Variants in MAMLD1 observed in about 807,000 individuals in gnomAD.
MAMLD1 encodes mastermind like domain containing 1, also known as mastermind-like domain-containing protein 1.
Under a neutral mutation model 45.0 loss-of-function variants are expected in MAMLD1, and 14 were observed. The observed-to-expected ratio is 0.31, with a 90% CI of 0.21 to 0.49. MAMLD1 has a LOEUF of 0.49. MAMLD1 is among the 20% of genes least tolerant of loss of function. The pLI is 0.99. For missense variants in MAMLD1, 543 were observed against 603.6 expected (o/e 0.90, Z 1.05); for synonymous variants, 254 against 247.8 (o/e 1.02, Z -0.24).
chrX:150,418,182 C>A (rs1433589815), intron 1 of MAMLD1, among the ~76,000 whole-genome samples: 3 of 111,287 alleles, frequency 2.7e-5, no homozygotes, highest in Non-Finnish European at 5.7e-5. Flanking sequence ...TGTATGTGTC[C>A]AGGAATTTAT....
At chrX:150,494,395 AAAAC>A (rs1390692890) in intron 5 of MAMLD1, among the ~76,000 whole-genome samples, 4 of 111,618 alleles carry the variant, frequency 3.6e-5, no homozygotes, top group African/African-American at 9.8e-5. Flanking sequence ...CTCCGTCTCA[AAAAC>A]AAACAAACAA....
intron 1 of MAMLD1, among the ~76,000 whole-genome samples, chrX:150,402,978 C>G (rs782083289): frequency 9.1e-5 from 10 of 109,938 alleles, no homozygotes; most frequent in Non-Finnish European, 1.9e-4. Context: ...TGCTAGATGA[C>G]GAGTTACTGG....
At chrX:150,508,701 C>T (rs2037810740) in intron 6 of MAMLD1, among the ~76,000 whole-genome samples, 1 of 112,539 alleles carries the variant, frequency 8.9e-6, no homozygotes, top group African/African-American at 3.2e-5. Context: ...AGAAGGGTTC[C>T]CAGAAGCCCT....
intron 3 of MAMLD1, among the ~76,000 whole-genome samples, chrX:150,466,406 C>T (rs2036221848): frequency 8.9e-6 from 1 of 112,248 alleles, no homozygotes; most frequent in Non-Finnish European, 1.9e-5. Flanking sequence ...AAAGTGAGTT[C>T]TCACTGAAGT....
rs2037209151 is a variant in MAMLD1 at position 150,492,202 on chromosome X, T to C, written c.2041-11072T>C. ...TCTAATGTGGGCTTCCATAAGCCTC[T>C]GTCCCATCTTCCAAAATGCAGTCTG... On this transcript the variant is annotated intron_variant, in intron 5 of 7. Transcript: ENST00000370401. Among the ~76,000 whole-genome samples, 3 of 112,763 alleles carry C rather than the reference T, an allele frequency of 2.7e-5. No homozygotes were observed. The Admixed American group carries it at 2.8e-4, about 11-fold the overall frequency.
At chrX:150,412,869 C>G (rs1557402879) in intron 1 of MAMLD1, among the ~76,000 whole-genome samples, 3 of 110,253 alleles carry the variant, frequency 2.7e-5, no homozygotes, top group South Asian at 4.0e-4. Context: ...AGGCGCCCAC[C>G]ACCATGCCCA....
intron 3 of MAMLD1, among the ~76,000 whole-genome samples, chrX:150,464,350 T>A (rs1230215419): frequency 4.5e-5 from 5 of 111,956 alleles, no homozygotes; most frequent in African/African-American, 1.6e-4. Flanking sequence ...CTGACTCCTC[T>A]TGAAGCCAAT....
rs782699379 is a variant in MAMLD1, at chrX:150,509,866, C to A, written c.2285-96C>A. ...GTGTGTTTATTCATGCTTTCTGCTG[C>A]ACCAAAGCCAAGTCCTAGGTCCCCA... On this transcript the variant is annotated intron_variant, in intron 6 of 7. Transcript: ENST00000370401. 1.2e-5 allele frequency: 8 copies of A among 646,290 alleles called. No individual in the cohort carries two copies. The South Asian group carries it at 1.5e-4, about 12-fold the overall frequency. The allele number at this position is 646,290 out of a possible 1,213,427, so 53.3% of individuals were successfully genotyped here.
intron 5 of MAMLD1, among the ~76,000 whole-genome samples, chrX:150,489,870 A>C (rs1419171425): frequency 1.8e-5 from 2 of 111,185 alleles, no homozygotes; most frequent in African/African-American, 6.6e-5. Context: ...GACTCAGACC[A>C]CAATGCAGGT....
chrX:150,483,464 G>A (rs1348216616), intron 5 of MAMLD1, among the ~76,000 whole-genome samples: 1 of 112,841 alleles, frequency 8.9e-6, no homozygotes, highest in Non-Finnish European at 1.9e-5. Context: ...AGCCATTGCG[G>A]AATGCTAAGT....
chrX:150,383,070 A>C (rs1239864345), intron 1 of MAMLD1, among the ~76,000 whole-genome samples: 1 of 57,582 alleles, frequency 1.7e-5, no homozygotes, highest in Non-Finnish European at 3.0e-5. Context: ...ACGCCCGGCT[A>C]ATTTCTTGTA....
chrX:150,506,149 C>T (rs1557408808), intron 6 of MAMLD1, among the ~76,000 whole-genome samples: 3 of 111,516 alleles, frequency 2.7e-5, no homozygotes, highest in African/African-American at 9.8e-5. Flanking sequence ...GGACAGATAG[C>T]TGAGCACCTT....
At chrX:150,412,823 TCCTCCCACCTCAG>T (rs1174728619) in intron 1 of MAMLD1, among the ~76,000 whole-genome samples, 48 of 110,614 alleles carry the variant, frequency 4.3e-4, no homozygotes, top group Non-Finnish European at 3.4e-4. Flanking sequence ...GCTCAGGTCA[TCCTCCCACCTCAG>T]CCTCCCACAT....
At chrX:150,445,890 G>C (rs782257476) in intron 2 of MAMLD1, among the ~76,000 whole-genome samples, 5 of 111,335 alleles carry the variant, frequency 4.5e-5, no homozygotes, top group Non-Finnish European at 9.4e-5. Flanking sequence ...GAAAAATGAG[G>C]AAGGATGAGA....
chrX:150,503,143 TC>T lies in MAMLD1; in HGVS notation c.2041-129del, dbSNP rs1453453153. ...AGATCACAAAGCTGTTTGGTTTCGT[TC>T]CACCAAAGCAGTTGGTGGGTATAAC... is the stretch of plus-strand genomic sequence containing the variant. On this transcript the variant is annotated intron_variant, in intron 5 of 7. Coordinates refer to ENST00000370401, the MANE Select transcript of MAMLD1 (RefSeq NM_005491.5). The T allele has an allele frequency of 3.4e-5, 20 of 595,204 alleles. No homozygotes were observed. The African/African-American group carries it at 4.2e-4, about 12-fold the overall frequency. The allele number at this position is 595,204 out of a possible 1,213,427, so 49.1% of individuals were successfully genotyped here.
chrX:150,454,045 G>A (rs2035759886), intron 2 of MAMLD1, among the ~76,000 whole-genome samples: 2 of 111,678 alleles, frequency 1.8e-5, no homozygotes, highest in South Asian at 7.5e-4. Context: ...TCAGTTCTGG[G>A]CCCCCTAGGC....
In MAMLD1 at chrX:150,503,269, T is replaced by C; in HGVS notation, c.2041-5T>C. 5.0e-6 allele frequency: 6 copies of C among 1,208,267 alleles called. No individual in the cohort carries two copies. In the South Asian group the frequency reaches 1.1e-4, roughly 21 times the overall value. On this transcript the variant is annotated splice_region_variant and splice_polypyrimidine_tract_variant and intron_variant, in intron 5 of 7. Coordinates refer to ENST00000370401, the MANE Select transcript of MAMLD1 (RefSeq NM_005491.5). ...GCTGATGGATTGTTCAATCGGTTGT[T>C]GTAGACTCATGTAGACAAAGCCTGC...
intron 1 of MAMLD1, among the ~76,000 whole-genome samples, chrX:150,387,517 G>A (rs1164039516): frequency 8.9e-6 from 1 of 111,958 alleles, no homozygotes; most frequent in Admixed American, 9.5e-5. Context: ...TGTGGGATGC[G>A]TATACAGAGG....
At chrX:150,426,473 C>A (rs1182615331) in intron 1 of MAMLD1, among the ~76,000 whole-genome samples, 3 of 112,248 alleles carry the variant, frequency 2.7e-5, no homozygotes, top group African/African-American at 9.7e-5. Flanking sequence ...AAGATGCTGC[C>A]TTCCGATTGC....
Sources: gnomAD v4.1 joint callset for allele counts (sites outside exome capture counted in the v4.1 genomes callset) on GRCh38, gnomAD v4.1.1 for gene constraint, MANE v1.5 for transcripts, NCBI Gene and HGNC (gene_info 2026-07-23, HGNC 2026-07-21) for gene names.